The following CNTNAP2 variants were observed in gnomAD, a reference collection of about 807,000 sequenced individuals.
CNTNAP2 encodes contactin associated protein 2.
A neutral mutation model predicts 155.2 loss-of-function variants in CNTNAP2; 98 were observed. That is an observed-to-expected ratio of 0.63 (90% CI 0.54 to 0.75). The LOEUF is 0.75. Ranked by LOEUF, CNTNAP2 falls within the 30% of genes least tolerant of loss-of-function variation. The probability of loss-of-function intolerance (pLI) is 0.00; values close to 1 mark genes in which losing one functional copy is unlikely to be tolerated. For synonymous variants in CNTNAP2, 651 were observed against 631.2 expected, an observed-to-expected ratio of 1.03 and a Z score of -0.47; for missense variants, 1,727 against 1,688.1, an observed-to-expected ratio of 1.02 and a Z score of -0.40.
intron 3 of CNTNAP2, among the ~76,000 whole-genome samples, chr7:146,943,150 A>T (rs1585172400): frequency 1.3e-5 from 2 of 152,226 alleles, no homozygotes; most frequent in African/African-American, 4.8e-5. Context: ...TACTTGTAAT[A>T]TAGTCAATTA....
At chr7:148,118,367 C>A in intron 16 of CNTNAP2, 79 bp downstream of exon 16, 3 of 1,455,764 alleles carry the variant, frequency 2.1e-6, no homozygotes, top group Non-Finnish European at 1.9e-6. Flanking sequence ...TTGTGGAAGG[C>A]CTTTTGATTC....
At chr7:146,371,283 C>A (rs1795229937) in intron 1 of CNTNAP2, among the ~76,000 whole-genome samples, 3 of 150,976 alleles carry the variant, frequency 2.0e-5, no homozygotes, top group African/African-American at 7.3e-5. Context: ...AAATATAACT[C>A]TCTTGTTCCA....
chr7:146,338,496 A>G (rs1369655819), intron 1 of CNTNAP2, among the ~76,000 whole-genome samples: 1 of 152,096 alleles, frequency 6.6e-6, no homozygotes, highest in Non-Finnish European at 1.5e-5. Context: ...AGCCCATCTA[A>G]TTTTGGAAAA....
intron 13 of CNTNAP2, among the ~76,000 whole-genome samples, chr7:147,783,024 A>G (rs1797681320): frequency 6.6e-6 from 1 of 152,228 alleles, no homozygotes; most frequent in African/African-American, 2.4e-5. Context: ...CAAAGTATGG[A>G]CAGTGCCAGG....
intron 8 of CNTNAP2, among the ~76,000 whole-genome samples, chr7:147,159,038 G>A (rs973619415): frequency 6.6e-6 from 1 of 152,078 alleles, no homozygotes; most frequent in African/African-American, 2.4e-5. Context: ...ATAAGGGAAA[G>A]GTCAGGGTTC....
At chr7:147,510,717 C>T (rs570564450) in intron 11 of CNTNAP2, among the ~76,000 whole-genome samples, 1 of 151,036 alleles carries the variant, frequency 6.6e-6, no homozygotes, top group Non-Finnish European at 1.5e-5. Context: ...AGTATGATAA[C>T]TAGTATGCAC....
chr7:148,086,065 C>A (rs536329731), intron 15 of CNTNAP2, among the ~76,000 whole-genome samples: 1 of 152,246 alleles, frequency 6.6e-6, no homozygotes, highest in East Asian at 1.9e-4. Flanking sequence ...ATGAAACAAC[C>A]TTCAGATGTA....
At position 146,390,779 on chromosome 7, in the gene CNTNAP2, CGT is replaced by C. The variant is rs1418837358; in HGVS notation, c.97+273807_97+273808del. ...TTATATTATTATACATATTATAATA[CGT>C]ATTTTAGCTGGGTGTGGTGGCTCGC... On this transcript the variant is annotated intron_variant, in intron 1 of 23. Transcript: ENST00000361727. 4.3e-5 allele frequency among the ~76,000 whole-genome samples: 6 copies of C among 138,410 alleles called. No individual in the cohort carries two copies. In the East Asian group the frequency reaches 1.3e-3, roughly 29 times the overall value. 90.8% of individuals were successfully genotyped at this position (138,410 alleles called of 152,430 possible).
chr7:146,936,353 C>A (rs956964131), intron 3 of CNTNAP2, among the ~76,000 whole-genome samples: 1 of 152,146 alleles, frequency 6.6e-6, no homozygotes, highest in East Asian at 1.9e-4. Flanking sequence ...TGTTTTTCTC[C>A]TGCAAACAGG....
chr7:147,601,652 T>A (rs199995589), intron 12 of CNTNAP2, among the ~76,000 whole-genome samples: 42,348 of 94,898 alleles, frequency 0.45, 6,922 homozygotes, highest in Admixed American at 0.51. Flanking sequence ...AAAATATATA[T>A]ATATATATAT....
At chr7:147,169,928 T>C (rs1802192775) in intron 8 of CNTNAP2, among the ~76,000 whole-genome samples, 1 of 152,152 alleles carries the variant, frequency 6.6e-6, no homozygotes, top group Non-Finnish European at 1.5e-5. Flanking sequence ...CTGAATTTCA[T>C]CTGTCTGTCA....
At chr7:146,721,249 TTC>T (rs1801298023) in intron 1 of CNTNAP2, among the ~76,000 whole-genome samples, 2 of 121,180 alleles carry the variant, frequency 1.7e-5, no homozygotes, top group African/African-American at 6.5e-5. Context: ...TCTCTCTATA[TTC>T]TCTATATACT....
At chr7:146,273,100 G>A (rs1340195415) in intron 1 of CNTNAP2, among the ~76,000 whole-genome samples, 1 of 150,906 alleles carries the variant, frequency 6.6e-6, no homozygotes, top group Non-Finnish European at 1.5e-5. Context: ...GAGAGAGAGA[G>A]AGAGAGAGAG....
At chr7:147,552,607 C>CACACACAG (rs199934935) in intron 11 of CNTNAP2, among the ~76,000 whole-genome samples, 75 of 144,834 alleles carry the variant, frequency 5.2e-4, no homozygotes, top group African/African-American at 1.7e-3. Flanking sequence ...CACACACACA[C>CACACACAG]AGAGATATAA....
intron 1 of CNTNAP2, among the ~76,000 whole-genome samples, chr7:146,204,268 T>C (rs1464400694): frequency 2.0e-5 from 3 of 152,166 alleles, no homozygotes; most frequent in East Asian, 3.9e-4. Context: ...AGTTAATAGA[T>C]CTTTTAATAC....
At chr7:147,643,044 T>C (rs929712308) in intron 13 of CNTNAP2, among the ~76,000 whole-genome samples, 4 of 152,190 alleles carry the variant, frequency 2.6e-5, no homozygotes, top group African/African-American at 7.2e-5. Context: ...CAGGCTTTGA[T>C]AGAGCTTGGT....
At chr7:146,424,859 C>CT (rs1796065701) in intron 1 of CNTNAP2, among the ~76,000 whole-genome samples, 1 of 152,076 alleles carries the variant, frequency 6.6e-6, no homozygotes, top group Non-Finnish European at 1.5e-5. Context: ...TATTTAAGTA[C>CT]TAGTTCTACC....
intron 3 of CNTNAP2, among the ~76,000 whole-genome samples, chr7:146,885,362 C>T (rs901626323): frequency 1.3e-5 from 2 of 151,988 alleles, no homozygotes; most frequent in Admixed American, 6.6e-5. Context: ...TACCAGGGAT[C>T]CAGTAGTCTA....
intron 19 of CNTNAP2, among the ~76,000 whole-genome samples, chr7:148,217,960 A>G (rs139441075): frequency 1.1e-4 from 17 of 152,322 alleles, no homozygotes; most frequent in African/African-American, 4.1e-4. Context: ...CCCCATCTCT[A>G]CAAAAAATAC....
Sources: allele counts gnomAD v4.1 joint callset (sites outside exome capture counted in the v4.1 genomes callset), GRCh38; gene constraint gnomAD v4.1.1; transcripts MANE v1.5; gene names NCBI Gene and HGNC (gene_info 2026-07-23, HGNC 2026-07-21).